Variants in RYR2 observed in about 807,000 individuals in gnomAD.
RYR2 encodes the protein cardiac muscle ryanodine receptor-calcium release channel.
Under a neutral mutation model 601.1 loss-of-function variants are expected in RYR2, and 227 were observed. The ratio of observed to expected loss-of-function variants is 0.38; its 90% CI spans 0.34 to 0.42. RYR2 has a LOEUF of 0.42. Ranked by LOEUF, RYR2 falls within the 10% of genes least tolerant of loss-of-function variation. The pLI, the probability that RYR2 is intolerant of heterozygous loss-of-function variation, is 1.00. For synonymous variants in RYR2, 2,223 were observed against 2,175.1 expected, an observed-to-expected ratio of 1.02 and a Z score of -0.61; for missense variants, 4,646 against 6,156.5, an observed-to-expected ratio of 0.75 and a Z score of 8.21.
In RYR2 at chr1:237,566,733, G is replaced by A. The variant is rs1672125463; in HGVS notation, c.3381G>A (p.Glu1127=). 6.2e-7 allele frequency: 1 copy of A among 1,613,986 alleles called. No individual in the cohort carries two copies. Among genetic ancestry groups the A allele is most frequent in the Non-Finnish European group, 8.5e-7 (1 of 1,179,878 alleles). ...GTCCTGGTTGTCAACCGGATCAGGA[G>A]CTTGGCTCAGATGAACGTGCCTTTG... is the stretch of plus-strand genomic sequence containing the variant. The part of the protein sequence containing the change: ...WSRPGCQPDQ[E]LGSDERAFAF... The change falls in exon 28 of 105, where the codon GAG becomes GAA. Residue 1127 remains glutamate, a synonymous_variant. Transcript: ENST00000366574.
chr1:237,443,401 T>C (rs1558826570), intron 13 of RYR2, among the ~76,000 whole-genome samples: 1 of 152,198 alleles, frequency 6.6e-6, no homozygotes, highest in African/African-American at 2.4e-5. Context: ...ATTTCAATTT[T>C]ACTTAGCTTT....
chr1:237,505,311 A>G (rs1049642584), intron 22 of RYR2, among the ~76,000 whole-genome samples: 4 of 152,172 alleles, frequency 2.6e-5, no homozygotes, highest in Admixed American at 2.0e-4. Flanking sequence ...ACTTATATTG[A>G]TGGTGAAGTA....
chr1:237,613,981 T>G (rs1337470979), intron 36 of RYR2, 58 bp from the exon 37 acceptor site: 5 of 1,506,126 alleles, frequency 3.3e-6, no homozygotes, highest in Non-Finnish European at 4.5e-6. Context: ...CTCCTCTGAT[T>G]CAGATTTTAA....
chr1:237,053,980 A>T (rs1178933160), intron 1 of RYR2, among the ~76,000 whole-genome samples: 1 of 152,200 alleles, frequency 6.6e-6, no homozygotes, highest in African/African-American at 2.4e-5. Context: ...CTCAGACAGG[A>T]TAGCTGCAAT....
In RYR2 at chr1:237,756,345, G is replaced by A; in HGVS notation, c.11203G>A (p.Gly3735Ser). Reference protein sequence around the residue: ...LYQQARLHDRGAAEMVLQTIS... With the variant: ...LYQQARLHDRSAAEMVLQTIS... ...CCAGCAAGCCCGACTCCACGATCGT[G>A]GCGCGGCTGAGATGGTGCTACAGAC... Residue 3735 changes from glycine to serine, a missense_variant, in exon 81 of 105, where the codon GGC (glycine) becomes AGC (serine). Around this residue, in one of 17 missense-constraint regions of RYR2, gnomAD observed 1,497 missense variants for 1,842.6 expected, o/e 0.81. Transcript: ENST00000366574. The A allele has an allele frequency of 6.2e-7, 1 of 1,613,586 alleles. No homozygotes were observed. Among genetic ancestry groups the A allele is most frequent in the Non-Finnish European group, 8.5e-7 (1 of 1,179,652 alleles).
chr1:237,771,102 G>T lies in RYR2; in HGVS notation c.11557+215G>T, dbSNP rs116499647. On this transcript the variant is annotated intron_variant, in intron 85 of 104. Transcript: ENST00000366574. ...CCATTTCACTTGAGTCTTATCAATA[G>T]TTTTGATGTTAGGGAAGACACATGA... Among the ~76,000 whole-genome samples the T allele has an allele frequency of 7.8e-3, 1,188 of 152,162 alleles. 7 individuals are homozygous for T. The highest frequency in any genetic ancestry group is 0.012 in the Non-Finnish European group (810 of 67,992).
intron 14 of RYR2, among the ~76,000 whole-genome samples, chr1:237,452,467 ATTAGTATATAC>A (rs373340596): frequency 0.033 from 4,753 of 145,820 alleles, 103 homozygotes; most frequent in Non-Finnish European, 0.053. Context: ...AGCATATACT[ATTAGTATATAC>A]TAATATATAC....
intron 1 of RYR2, among the ~76,000 whole-genome samples, chr1:237,255,854 TG>T (rs1687911729): frequency 6.6e-6 from 1 of 151,716 alleles, no homozygotes; most frequent in East Asian, 1.9e-4. Context: ...TGTGTGTGTG[TG>T]TGTGTGTGTG....
chr1:237,184,536 A>G (rs1436490710), intron 1 of RYR2, among the ~76,000 whole-genome samples: 1 of 152,220 alleles, frequency 6.6e-6, no homozygotes, highest in Non-Finnish European at 1.5e-5. Flanking sequence ...AATAATAGGC[A>G]CAGTTGCATG....
At chr1:237,321,219 G>T (rs1695597990) in intron 2 of RYR2, among the ~76,000 whole-genome samples, 2 of 135,748 alleles carry the variant, frequency 1.5e-5, no homozygotes, top group Non-Finnish European at 3.4e-5. Flanking sequence ...GCACAAAGAG[G>T]ACCCTTAAAA....
chr1:237,513,445 C>T (rs528671549), intron 24 of RYR2, among the ~76,000 whole-genome samples: 3 of 152,144 alleles, frequency 2.0e-5, no homozygotes, highest in South Asian at 4.1e-4. Flanking sequence ...ACCAGGGACC[C>T]GGAACATAAA....
chr1:237,370,356 A>G (rs1482608417), intron 6 of RYR2, among the ~76,000 whole-genome samples: 1 of 152,028 alleles, frequency 6.6e-6, no homozygotes, highest in Non-Finnish European at 1.5e-5. Context: ...GTCAACACAT[A>G]TTTTTTGTAT....
At chr1:237,802,644 T>C (rs184255726) in intron 98 of RYR2, among the ~76,000 whole-genome samples, 14 of 152,310 alleles carry the variant, frequency 9.2e-5, no homozygotes, top group Middle Eastern at 3.4e-3. Flanking sequence ...ATACACTATC[T>C]TACAACTAAT....
At chr1:237,487,291 A>G (rs1662785290) in intron 17 of RYR2, among the ~76,000 whole-genome samples, 2 of 152,190 alleles carry the variant, frequency 1.3e-5, no homozygotes, top group South Asian at 2.1e-4. Context: ...ATTTAAATAT[A>G]CGCATAATAT....
intron 5 of RYR2, among the ~76,000 whole-genome samples, chr1:237,368,962 T>C (rs1558697257): frequency 6.6e-6 from 1 of 152,060 alleles, no homozygotes; most frequent in African/African-American, 2.4e-5. Context: ...TAGCTGGGAT[T>C]ACAGGCAGGC....
chr1:237,572,535 C>G (rs936969164), intron 29 of RYR2, among the ~76,000 whole-genome samples: 1 of 152,052 alleles, frequency 6.6e-6, no homozygotes, highest in Non-Finnish European at 1.5e-5. Context: ...TGGCTTTTGA[C>G]TTTGTATTTC....
At chr1:237,381,090 A>G (rs536617410) in intron 8 of RYR2, among the ~76,000 whole-genome samples, 1 of 151,908 alleles carries the variant, frequency 6.6e-6, no homozygotes, top group Non-Finnish European at 1.5e-5. Flanking sequence ...AAAGAAAAAA[A>G]AGAAATGATC....
At chr1:237,828,013 C>T (rs1470824676) in intron 101 of RYR2, among the ~76,000 whole-genome samples, 1 of 143,416 alleles carries the variant, frequency 7.0e-6, no homozygotes, top group Non-Finnish European at 1.5e-5. Flanking sequence ...TTCATTTCTA[C>T]ATTAGTACTT....
At chr1:237,414,341 G>T (rs965945589) in intron 10 of RYR2, among the ~76,000 whole-genome samples, 1 of 151,980 alleles carries the variant, frequency 6.6e-6, no homozygotes, top group African/African-American at 2.4e-5. Flanking sequence ...GAAATAATGG[G>T]TCTAGTCAAG....
Sources: allele counts gnomAD v4.1 joint callset (sites outside exome capture counted in the v4.1 genomes callset), GRCh38; gene constraint gnomAD v4.1.1; regional missense constraint gnomAD v4.1.1; transcripts MANE v1.5; gene names NCBI Gene and HGNC (gene_info 2026-07-23, HGNC 2026-07-21).